Variants in LARGE1 observed in about 807,000 individuals in gnomAD.
LARGE1 encodes xylosyl- and glucuronyltransferase LARGE1.
Under a neutral mutation model 87.6 loss-of-function variants are expected in LARGE1, and 43 were observed. That is an observed-to-expected ratio of 0.49 (90% CI 0.38 to 0.63). The LOEUF is 0.63. Ranked by LOEUF, LARGE1 falls within the 30% of genes least tolerant of loss-of-function variation. The pLI is 0.00. For synonymous variants in LARGE1, 434 were observed against 394.6 expected, an observed-to-expected ratio of 1.10 and a Z score of -1.18; for missense variants, 802 against 1,000.2, an observed-to-expected ratio of 0.80 and a Z score of 2.67.
At chr22:33,365,674 G>A (rs574043952) in intron 9 of LARGE1, among the ~76,000 whole-genome samples, 13 of 151,092 alleles carry the variant, frequency 8.6e-5, no homozygotes, top group African/African-American at 1.2e-4. Flanking sequence ...GAGTGCAGTG[G>A]CACAATCTCG....
chr22:33,395,674 G>A (rs1360259497), intron 7 of LARGE1, among the ~76,000 whole-genome samples: 1 of 152,116 alleles, frequency 6.6e-6, no homozygotes, highest in Non-Finnish European at 1.5e-5. Context: ...CTTGGCTCAG[G>A]AGGAGAAAGT....
chr22:33,451,391 C>G (rs992246344), intron 6 of LARGE1, among the ~76,000 whole-genome samples: 1 of 148,726 alleles, frequency 6.7e-6, no homozygotes, highest in Admixed American at 6.7e-5. Flanking sequence ...TTTTGGGGAA[C>G]AGGTGATGCT....
At chr22:33,303,736 C>T (rs972776313) in intron 12 of LARGE1, among the ~76,000 whole-genome samples, 1 of 152,010 alleles carries the variant, frequency 6.6e-6, no homozygotes, top group African/African-American at 2.4e-5. Context: ...ATTCTCCTGC[C>T]TCAGCTTCCC....
intron 10 of LARGE1, among the ~76,000 whole-genome samples, chr22:33,329,837 C>T (rs1937526727): frequency 6.6e-6 from 1 of 152,072 alleles, no homozygotes; most frequent in Non-Finnish European, 1.5e-5. Context: ...TTAGGTGGAG[C>T]AAGACCCTCT....
At chr22:33,849,166 GT>G (rs2063514095) in intron 1 of LARGE1, among the ~76,000 whole-genome samples, 1 of 152,212 alleles carries the variant, frequency 6.6e-6, no homozygotes, top group African/African-American at 2.4e-5. Context: ...CTCATCAATA[GT>G]TAATGCTTTT....
chr22:33,407,858 TAA>T (rs2066157250), intron 7 of LARGE1, among the ~76,000 whole-genome samples: 1 of 152,146 alleles, frequency 6.6e-6, no homozygotes, highest in Admixed American at 6.5e-5. Flanking sequence ...GCTGTCAATC[TAA>T]ATAATAAGCA....
chr22:33,814,536 T>TG (rs2086593271), intron 1 of LARGE1, among the ~76,000 whole-genome samples: 1 of 152,186 alleles, frequency 6.6e-6, no homozygotes, highest in African/African-American at 2.4e-5. Context: ...ATTGTATTGA[T>TG]GGGCCTCATC....
chr22:33,545,691 G>A (rs1013389075), intron 6 of LARGE1, among the ~76,000 whole-genome samples: 3 of 151,978 alleles, frequency 2.0e-5, no homozygotes, highest in Non-Finnish European at 2.9e-5. Flanking sequence ...TGTCTGCCTC[G>A]GCTTCCCAAA....
chr22:33,754,340 C>CT (rs112432978), intron 2 of LARGE1, among the ~76,000 whole-genome samples: 1,692 of 143,816 alleles, frequency 0.012, 13 homozygotes, highest in African/African-American at 0.016. Context: ...TGAAAAAGTT[C>CT]TTTTTTTTTT....
chr22:33,814,124 C>A (rs2086580240), intron 1 of LARGE1, among the ~76,000 whole-genome samples: 1 of 152,156 alleles, frequency 6.6e-6, no homozygotes, highest in African/African-American at 2.4e-5. Flanking sequence ...ACATAGTATT[C>A]ACTCTTGTTC....
At chr22:33,861,457 A>G (rs996756081) in intron 1 of LARGE1, 2 of 152,266 alleles carry the variant, frequency 1.3e-5, no homozygotes, top group African/African-American at 4.8e-5. Context: ...ACAAGAAATC[A>G]TAACAGCGAA....
rs1208584585 is a variant in LARGE1 at position 33,341,690 on chromosome 22, C to T, written c.1132-3889G>A. Among the ~76,000 whole-genome samples, 5 of 152,308 alleles carry T rather than the reference C, an allele frequency of 3.3e-5. No individual in the cohort carries two copies. The East Asian group carries it at 7.7e-4, about 24-fold the overall frequency. On this transcript the variant is annotated intron_variant, in intron 9 of 14. Coordinates refer to ENST00000397394, the MANE Select transcript of LARGE1 (RefSeq NM_133642.5). ...CAGTAGCCAGAGTAAGAACTATGAA[C>T]CTCAGACCAGCCGAGGTCTGAATTC...
chr22:33,717,660 T>C (rs1268706362), intron 2 of LARGE1, among the ~76,000 whole-genome samples: 1 of 152,230 alleles, frequency 6.6e-6, no homozygotes, highest in Non-Finnish European at 1.5e-5. Context: ...ATGCTTCTTT[T>C]GTGAACAATC....
chr22:33,915,424 C>T (rs2065757231), intron 1 of LARGE1, among the ~76,000 whole-genome samples: 2 of 151,946 alleles, frequency 1.3e-5, no homozygotes, highest in Admixed American at 1.3e-4. Context: ...TTGTTCTCAC[C>T]TAAGTGTTTT....
chr22:33,490,528 T>C (rs562356575), intron 6 of LARGE1, among the ~76,000 whole-genome samples: 1 of 152,364 alleles, frequency 6.6e-6, no homozygotes, highest in Non-Finnish European at 1.5e-5. Flanking sequence ...GAATTATTTG[T>C]AGGCCAACTG....
At chr22:33,482,602 G>C (rs1239713871) in intron 6 of LARGE1, among the ~76,000 whole-genome samples, 1 of 152,116 alleles carries the variant, frequency 6.6e-6, no homozygotes, top group Non-Finnish European at 1.5e-5. Context: ...GTAGATGACG[G>C]GTTGATGGGT....
chr22:33,664,876 G>GCAA (rs949203139), intron 2 of LARGE1, among the ~76,000 whole-genome samples: 1 of 151,938 alleles, frequency 6.6e-6, no homozygotes, highest in African/African-American at 2.4e-5. Flanking sequence ...AACAACAACA[G>GCAA]CAACAACAAC....
intron 7 of LARGE1, among the ~76,000 whole-genome samples, chr22:33,391,507 A>G (rs1331679841): frequency 6.6e-6 from 1 of 152,146 alleles, no homozygotes. Context: ...AGTGAGAGAC[A>G]GGAAGAACAA....
chr22:33,281,124 G>C (rs1930361177), intron 13 of LARGE1, among the ~76,000 whole-genome samples: 1 of 152,176 alleles, frequency 6.6e-6, no homozygotes. Flanking sequence ...CTGTAACTTA[G>C]CACTTGGCAT....
Sources: allele counts gnomAD v4.1 joint callset (sites outside exome capture counted in the v4.1 genomes callset), GRCh38; gene constraint gnomAD v4.1.1; transcripts MANE v1.5; gene names NCBI Gene and HGNC (gene_info 2026-07-23, HGNC 2026-07-21).